TTN: variants seen among roughly 807,000 people sequenced by gnomAD.
The protein encoded by TTN is connectin.
A neutral mutation model predicts 3,223.0 loss-of-function variants in TTN; 1,525 were observed. The observed-to-expected ratio is 0.47, with a 90% CI of 0.45 to 0.49. TTN has a LOEUF of 0.49. TTN is among the 20% of genes least tolerant of loss of function. The pLI, the probability that TTN is intolerant of heterozygous loss-of-function variation, is 0.00. For missense variants in TTN, 40,786 were observed against 43,424.0 expected, an observed-to-expected ratio of 0.94 and a Z score of 5.40; for synonymous variants, 14,094 against 15,161.0, an observed-to-expected ratio of 0.93 and a Z score of 5.17.
rs767929728 is a variant in TTN at position 178,549,662 on chromosome 2, C to T, written c.92060G>A (p.Gly30687Asp). 6 of 1,613,668 alleles carry T rather than the reference C, an allele frequency of 3.7e-6. No individual in the cohort carries two copies. The highest frequency in any genetic ancestry group is 2.7e-5 in the African/African-American group (2 of 74,910). ...AGAAACACGGAATTGGTATTCATTG[C>T]CGTTTATTAGTTTAATGGCAGTGTA... is the stretch of plus-strand genomic sequence containing the variant. ...QSYTAIKLIN[G>D]NEYQFRVSAV... Residue 30687 changes from glycine (G) to aspartate (D), a missense_variant, in exon 338 of 363, where the codon GGC becomes GAC. Coordinates refer to ENST00000589042, the MANE Select transcript of TTN (RefSeq NM_001267550.2).
chr2:178,621,045 A>G (rs1388617877), intron 246 of TTN, 52 bp from the exon 247 acceptor site: 13 of 1,605,298 alleles, frequency 8.1e-6, no homozygotes, highest in African/African-American at 5.4e-5. Context: ...AAAGTGGTAA[A>G]TACAAATACA....
In TTN at chr2:178,644,634, T is replaced by C; in HGVS notation, c.40409-18A>G. On this transcript the variant is annotated intron_variant, in intron 217 of 362. Coordinates refer to ENST00000589042, the MANE Select transcript of TTN (RefSeq NM_001267550.2). ...TGGAATAGCTTTAAAGAATATGATT[T>C]TACTTTTGTTATTTGTATATTTAAT... The C allele has an allele frequency of 6.6e-7, 1 of 1,513,266 alleles. No individual in the cohort carries two copies. The highest frequency in any genetic ancestry group is 8.9e-7 in the Non-Finnish European group (1 of 1,129,710). 93.7% of individuals were successfully genotyped at this position (1,513,266 alleles called of 1,614,324 possible).
Position 178,782,522 on chromosome 2 carries a change from T to C in TTN, c.3164+17A>G. 1 of 1,613,908 alleles carries C rather than the reference T, an allele frequency of 6.2e-7. No homozygotes were observed. The highest frequency in any genetic ancestry group is 1.7e-5 in the Admixed American group (1 of 60,016). ...AAAATGGTACTAGAACAGCTACTAA[T>C]TAGCAAAATATTTTACCGTTTCTCT... On this transcript the variant is annotated intron_variant, in intron 19 of 362. Coordinates refer to ENST00000589042, the MANE Select transcript of TTN (RefSeq NM_001267550.2).
rs776860277 is a variant in TTN at position 178,786,058 on chromosome 2, A to C, written c.2160T>G (p.Pro720=). Residue 720 remains proline (P), a synonymous_variant, in exon 14 of 363, where the codon CCT becomes CCG. Coordinates refer to ENST00000589042, the MANE Select transcript of TTN (RefSeq NM_001267550.2). ...DQARVREPRE[P]GHLEESYAQQ... ...GAGCATAGGATTCTTCAAGATGCCC[A>C]GGCTCTCTGGGCTCTCTGACTCGGG... 9 of 1,614,012 alleles carry C rather than the reference A, an allele frequency of 5.6e-6. No homozygotes were observed. Among genetic ancestry groups the C allele is most frequent in the Non-Finnish European group, 7.6e-6 (9 of 1,180,036 alleles).
intron 15 of TTN, 87 bp from the exon 16 acceptor site, chr2:178,784,438 A>G (rs2093023531): frequency 3.9e-6 from 6 of 1,526,256 alleles, no homozygotes; most frequent in Middle Eastern, 4.1e-4. Flanking sequence ...CCTATTTTCT[A>G]TAAGGTCTGT....
intron 204 of TTN, 64 bp from the exon 205 acceptor site, chr2:178,652,031 A>G (rs965574749): frequency 1.9e-6 from 3 of 1,611,840 alleles, no homozygotes; most frequent in South Asian, 2.2e-5. Context: ...TTGCAAAAAA[A>G]TGTTTTTACA....
At chr2:178,795,664 A>C (rs977634329) in intron 6 of TTN, among the ~76,000 whole-genome samples, 18 of 152,182 alleles carry the variant, frequency 1.2e-4, no homozygotes, top group Non-Finnish European at 2.9e-5. Context: ...AGGTGTTATA[A>C]GAAGAAAGGT....
In TTN at chr2:178,547,250, C is replaced by T; in HGVS notation, c.94275G>A (p.Met31425Ile). The T allele has an allele frequency of 6.2e-7, 1 of 1,613,746 alleles. No homozygotes were observed. The highest frequency in any genetic ancestry group is 8.5e-7 in the Non-Finnish European group (1 of 1,179,716). ...PEVYHVSANA[M>I]SIRWEEPYHD... is the part of the protein sequence containing the mutation. Reference sequence around the variant, plus strand: ...GGTAGGGTTCTTCCCAACGAATAGACATGGCATTGGCAGACACATGGTAGA... The same window carrying T: ...GGTAGGGTTCTTCCCAACGAATAGATATGGCATTGGCAGACACATGGTAGA... The change falls in exon 340 of 363, where the codon ATG becomes ATA. Residue 31425 changes from methionine to isoleucine, a missense_variant. Met to Ile is a conservative substitution (Grantham distance 10, BLOSUM62 1). Transcript: ENST00000589042.
Position 178,774,412 on chromosome 2 carries a change from T to G in TTN, c.6852A>C (p.Gly2284=). The G allele has an allele frequency of 6.2e-7, 1 of 1,613,900 alleles. No individual in the cohort carries two copies. The highest frequency in any genetic ancestry group is 8.5e-7 in the Non-Finnish European group (1 of 1,179,942). Reference sequence around the variant, plus strand: ...CTGGGGATACAATGCACTCTAATTCTCCTGAATATGATTCTGGAACTTCTA... The same window carrying G: ...CTGGGGATACAATGCACTCTAATTCGCCTGAATATGATTCTGGAACTTCTA... ...QDIEVPESYS[G]ELECIVSPEN... The change falls in exon 30 of 363, where the codon GGA becomes GGC. Residue 2284 remains glycine, a synonymous_variant. Transcript: ENST00000589042.
rs1221710663 is a variant in TTN, at chr2:178,729,440, A to C, written c.18716T>G (p.Ile6239Ser). The C allele has an allele frequency of 6.2e-7, 1 of 1,613,570 alleles. No individual in the cohort carries two copies. Among genetic ancestry groups the C allele is most frequent in the Admixed American group, 1.7e-5 (1 of 59,974 alleles). ...EVTWLKNNRE[I>S]RSSKKYTLTD... ...CAATGTGTATTTTTTGCTGCTTCGA[A>C]TTTCCCTGTTATTCTTCAGCCAAGT... The change falls in exon 64 of 363, where the codon ATT becomes AGT. Residue 6239 changes from isoleucine (I) to serine (S), a missense_variant. By Grantham distance (142) the Ile-to-Ser change is moderately radical. Coordinates refer to ENST00000589042, the MANE Select transcript of TTN (RefSeq NM_001267550.2).
At chr2:178,773,047 A>G in intron 33 of TTN, 62 bp downstream of exon 33, 1 of 1,606,490 alleles carries the variant, frequency 6.2e-7, no homozygotes, top group Admixed American at 1.7e-5. Context: ...GGGGAAATGA[A>G]TAATAATTTC....
Position 178,725,801 on chromosome 2 carries a change from T to G in TTN, c.20521A>C (p.Ser6841Arg). The change falls in exon 70 of 363, where the codon AGT becomes CGT. Residue 6841 changes from serine (S) to arginine (R), a missense_variant. Physicochemically the swap from Ser to Arg is moderately radical, Grantham distance 110. Transcript: ENST00000589042. ...YHCKAQNEVG[S>R]DTCVCTVKLK... Reference sequence around the variant, plus strand: ...TTTACAGTACAAACACAAGTATCACTTCCCACTTCATTCTGTGCTTTGCAG... The same window carrying G: ...TTTACAGTACAAACACAAGTATCACGTCCCACTTCATTCTGTGCTTTGCAG... 1 of 1,608,456 alleles carries G rather than the reference T, an allele frequency of 6.2e-7. No individual in the cohort carries two copies. The highest frequency in any genetic ancestry group is 8.5e-7 in the Non-Finnish European group (1 of 1,176,240).
At position 178,528,846 on chromosome 2, in the gene TTN, A is replaced by G; in HGVS notation, c.106905T>C (p.Asp35635=). 3 of 1,613,992 alleles carry G rather than the reference A, an allele frequency of 1.9e-6. No homozygotes were observed. Among genetic ancestry groups the G allele is most frequent in the Non-Finnish European group, 1.7e-6 (2 of 1,179,886 alleles). Residue 35635 remains aspartate (D), a synonymous_variant, in exon 360 of 363, where the codon GAT becomes GAC. Coordinates refer to ENST00000589042, the MANE Select transcript of TTN (RefSeq NM_001267550.2). ...VLKANIAGAT[D]VKWVLNGVEL... is the part of the protein sequence containing the mutation. Reference sequence around the variant, plus strand: ...CTACGCCATTCAGTACCCATTTCACATCAGTGGCACCAGCAATGTTGGCTT... The same window carrying G: ...CTACGCCATTCAGTACCCATTTCACGTCAGTGGCACCAGCAATGTTGGCTT...
rs1049031922 is a variant in TTN at position 178,685,147 on chromosome 2, TAGAC to T, written c.32470+102_32470+105del. The stretch of plus-strand genomic sequence containing the variant: ...TTCATACATGTGTTCTGACAAAACG[TAGAC>T]AGTTATGCAAATTGTTATGCATAAG... On this transcript the variant is annotated intron_variant, in intron 129 of 362. Coordinates refer to ENST00000589042, the MANE Select transcript of TTN (RefSeq NM_001267550.2). 8 of 1,202,694 alleles carry T rather than the reference TAGAC, an allele frequency of 6.7e-6. No individual in the cohort carries two copies. The African/African-American group carries it at 1.2e-4, about 19-fold the overall frequency. The allele number at this position is 1,202,694 out of a possible 1,614,324, so 74.5% of individuals were successfully genotyped here.
At chr2:178,623,616 T>C (rs558650140) in intron 242 of TTN, among the ~76,000 whole-genome samples, 27 of 151,998 alleles carry the variant, frequency 1.8e-4, no homozygotes, top group Middle Eastern at 3.4e-3. Context: ...AGAAGCTACT[T>C]TGACATAAGC....
rs751986929 is a variant in TTN at position 178,719,953 on chromosome 2, T to C, written c.23659+30A>G. ...AATGATCATGGATCAAGTAAATTGA[T>C]TTTTTCTCTGGCTGTGCTTTGCTAC... On this transcript the variant is annotated intron_variant, in intron 81 of 362. Coordinates refer to ENST00000589042, the MANE Select transcript of TTN (RefSeq NM_001267550.2). 9 of 1,556,426 alleles carry C rather than the reference T, an allele frequency of 5.8e-6. No homozygotes were observed. In the South Asian group the frequency reaches 9.9e-5, roughly 17 times the overall value.
At position 178,566,636 on chromosome 2, in the gene TTN, G is replaced by T. The variant is rs1705978899; in HGVS notation, c.79496C>A (p.Thr26499Asn). The part of the protein sequence containing the change: ...GPPTNAHIVD[T>N]TKNSITLAWG... ...GGCAAGTGTGATTGAATTTTTAGTG[G>T]TGTCTACAATGTGTGCATTGGTAGG... The change falls in exon 326 of 363, where the codon ACC becomes AAC. Residue 26499 changes from threonine (T) to asparagine (N), a missense_variant. Coordinates refer to ENST00000589042, the MANE Select transcript of TTN (RefSeq NM_001267550.2). 1.9e-6 allele frequency: 3 copies of T among 1,612,710 alleles called. No individual in the cohort carries two copies. Among genetic ancestry groups the T allele is most frequent in the East Asian group, 4.5e-5 (2 of 44,844 alleles).
chr2:178,589,514 C>T lies in TTN; in HGVS notation c.62211G>A (p.Gln20737=), dbSNP rs531575930. 2 of 1,613,368 alleles carry T rather than the reference C, an allele frequency of 1.2e-6. No individual in the cohort carries two copies. The highest frequency in any genetic ancestry group is 1.3e-5 in the African/African-American group (1 of 75,030). The change falls in exon 304 of 363, where the codon CAG becomes CAA. Residue 20737 remains glutamine, a synonymous_variant. Transcript: ENST00000589042. ...HYMVDRCVEN[Q]IYEFRVQTKN... ...TTGTTTGCACTCTGAACTCATAAAT[C>T]TGGTTTTCAACACATCTGTCAACCA...
In TTN at chr2:178,551,268, A is replaced by T. The variant is rs759598226; in HGVS notation, c.91271-8T>A. On this transcript the variant is annotated splice_polypyrimidine_tract_variant and splice_region_variant and intron_variant, in intron 335 of 362. Coordinates refer to ENST00000589042, the MANE Select transcript of TTN (RefSeq NM_001267550.2). The stretch of plus-strand genomic sequence containing the variant: ...CAGGAGTGCCAGGTGGGTCTAAAAA[A>T]TTATAAGGAAGGTAAATGCATCATT... 6.2e-7 allele frequency: 1 copy of T among 1,605,632 alleles called. No individual in the cohort carries two copies. Among genetic ancestry groups the T allele is most frequent in the Admixed American group, 1.7e-5 (1 of 58,568 alleles).
Sources: gnomAD v4.1 joint callset for allele counts (sites outside exome capture counted in the v4.1 genomes callset) on GRCh38, gnomAD v4.1.1 for gene constraint, MANE v1.5 for transcripts, NCBI Gene and HGNC (gene_info 2026-07-23, HGNC 2026-07-21) for gene names.